The following ADGRL3 variants were observed in gnomAD, a reference collection of about 807,000 sequenced individuals.
The protein encoded by ADGRL3 is adhesion G protein-coupled receptor L3.
ADGRL3 carries 62 observed loss-of-function variants against 153.5 expected under a neutral mutation model. That is an observed-to-expected ratio of 0.40 (90% confidence interval 0.33 to 0.50). ADGRL3 has a LOEUF of 0.50. Among genes scored for constraint, ADGRL3 ranks in the 20% least tolerant of loss-of-function variants. ADGRL3 has a pLI of 0.47. For synonymous variants in ADGRL3, 710 were observed against 672.5 expected (o/e 1.06, Z -0.86); for missense variants, 1,641 against 1,859.4 (o/e 0.88, Z 2.16).
chr4:61,377,902 A>G (rs1416102246), intron 1 of ADGRL3, among the ~76,000 whole-genome samples: 1 of 152,000 alleles, frequency 6.6e-6, no homozygotes, highest in Non-Finnish European at 1.5e-5. Flanking sequence ...TTTTGCTTCC[A>G]TTTAATTAAA....
At chr4:61,297,768 G>A (rs1411814350) in intron 1 of ADGRL3, among the ~76,000 whole-genome samples, 1 of 151,170 alleles carries the variant, frequency 6.6e-6, no homozygotes, top group Non-Finnish European at 1.5e-5. Context: ...ATACCCTCTG[G>A]AATGTTACTT....
chr4:61,530,921 C>T (rs577219356), intron 4 of ADGRL3, among the ~76,000 whole-genome samples: 4 of 152,144 alleles, frequency 2.6e-5, no homozygotes, highest in African/African-American at 7.2e-5. Context: ...ATGTTTCTTC[C>T]TTATTTGGTT....
chr4:61,611,746 C>A (rs990164541), intron 5 of ADGRL3, among the ~76,000 whole-genome samples: 11 of 151,890 alleles, frequency 7.2e-5, no homozygotes, highest in Admixed American at 5.9e-4. Context: ...TATAGTGAGA[C>A]CTCATCTCTG....
intron 5 of ADGRL3, among the ~76,000 whole-genome samples, chr4:61,675,775 T>A (rs1051658126): frequency 3.0e-4 from 46 of 151,994 alleles, no homozygotes; most frequent in African/African-American, 1.1e-3. Context: ...GGGATATTCA[T>A]CACCTCAAGC....
At chr4:61,836,316 T>C (rs2097934299) in intron 9 of ADGRL3, among the ~76,000 whole-genome samples, 1 of 152,168 alleles carries the variant, frequency 6.6e-6, no homozygotes, top group African/African-American at 2.4e-5. Context: ...AAATCTGTTA[T>C]TGTCTGTACT....
chr4:61,716,905 C>G (rs2096127289), intron 6 of ADGRL3, among the ~76,000 whole-genome samples: 2 of 152,064 alleles, frequency 1.3e-5, no homozygotes, highest in South Asian at 4.1e-4. Context: ...ATGTTAACTT[C>G]CATCACTAAG....
At chr4:61,828,584 A>G (rs1351689933) in intron 9 of ADGRL3, among the ~76,000 whole-genome samples, 2 of 152,156 alleles carry the variant, frequency 1.3e-5, no homozygotes, top group East Asian at 1.9e-4. Flanking sequence ...AAAATCTGCA[A>G]TATTATTTTT....
At chr4:61,225,767 T>C (rs1227629064) in intron 1 of ADGRL3, among the ~76,000 whole-genome samples, 3 of 152,188 alleles carry the variant, frequency 2.0e-5, no homozygotes, top group Non-Finnish European at 4.4e-5. Context: ...GGAGCCCAAG[T>C]CCTTTCTCTG....
chr4:62,006,003 CATATATAT>C (rs1217370949), intron 21 of ADGRL3, among the ~76,000 whole-genome samples: 7 of 48,990 alleles, frequency 1.4e-4, no homozygotes, highest in East Asian at 9.0e-4. Flanking sequence ...CACACACACA[CATATATAT>C]ATATATATAT....
rs1458573076 is a variant in ADGRL3 at position 62,071,760 on chromosome 4, T to G, written c.*852T>G. 1 of 417,450 alleles carries G rather than the reference T, an allele frequency of 2.4e-6. No individual in the cohort carries two copies. Among genetic ancestry groups the G allele is most frequent in the African/African-American group, 2.1e-5 (1 of 47,554 alleles). The allele number at this position is 417,450 out of a possible 1,614,324, so 25.9% of individuals were successfully genotyped here. A position where few individuals can be genotyped will look rare whatever the true frequency, so the allele number is the denominator to read the frequency against. On this transcript the variant is annotated 3_prime_UTR_variant, in exon 27 of 27. Coordinates refer to ENST00000683033, the MANE Select transcript of ADGRL3 (RefSeq NM_001387552.1). ...ATTTTCTTTTTTTCTTTTTTGCCTT[T>G]TATTCCTTTAAAATTTCGCCTGGCA...
intron 11 of ADGRL3, among the ~76,000 whole-genome samples, chr4:61,899,876 C>T (rs2098654501): frequency 6.6e-6 from 1 of 152,134 alleles, no homozygotes; most frequent in Non-Finnish European, 1.5e-5. Context: ...GGGTACTAAT[C>T]CCAGTCATTA....
intron 21 of ADGRL3, among the ~76,000 whole-genome samples, chr4:62,005,771 A>C (rs758321986): frequency 1.3e-5 from 2 of 151,598 alleles, no homozygotes; most frequent in Non-Finnish European, 2.9e-5. Context: ...GAATAGTTAC[A>C]ATAATTAACT....
chr4:61,574,211 T>C (rs1460180525), intron 4 of ADGRL3, among the ~76,000 whole-genome samples: 2 of 151,920 alleles, frequency 1.3e-5, no homozygotes, highest in African/African-American at 4.8e-5. Flanking sequence ...TAATTAAAAA[T>C]GCACATTTTT....
In ADGRL3 at chr4:61,641,436, C is replaced by A. The variant is rs547940095; in HGVS notation, c.474-35390C>A. ...TATCTCCCAATGCTATCCCTCCCCC[C>A]TCCCCCCACCCCACAACAGTCCTCA... On this transcript the variant is annotated intron_variant, in intron 5 of 26. Transcript: ENST00000683033. Among the ~76,000 whole-genome samples, 766 of 111,944 alleles carry A rather than the reference C, an allele frequency of 6.8e-3. 9 individuals carry two copies. Among genetic ancestry groups the A allele is most frequent in the South Asian group, 0.041 (112 of 2,740 alleles). The allele number at this position is 111,944 out of a possible 152,430, so 73.4% of individuals were successfully genotyped here.
rs201360970 is a variant in ADGRL3, at chr4:62,039,315, T to C, written c.3717+1459T>C. Among the ~76,000 whole-genome samples, 3 of 152,308 alleles carry C rather than the reference T, an allele frequency of 2.0e-5. No homozygotes were observed. The East Asian group carries it at 5.8e-4, about 29-fold the overall frequency. On this transcript the variant is annotated intron_variant, in intron 24 of 26. Transcript: ENST00000683033. Reference sequence around the variant, plus strand: ...CCTAGCTAGCACTTGAACACAGTTATAAATTAATGGATGACCAGTGTTTTC... The same window carrying C: ...CCTAGCTAGCACTTGAACACAGTTACAAATTAATGGATGACCAGTGTTTTC...
At chr4:61,762,672 C>G (rs1459275351) in intron 8 of ADGRL3, among the ~76,000 whole-genome samples, 1 of 151,984 alleles carries the variant, frequency 6.6e-6, no homozygotes, top group Non-Finnish European at 1.5e-5. Context: ...TTTTCCTAAG[C>G]AAAGATCTGA....
At chr4:61,555,234 G>A (rs990858503) in intron 4 of ADGRL3, among the ~76,000 whole-genome samples, 11 of 152,074 alleles carry the variant, frequency 7.2e-5, no homozygotes, top group African/African-American at 2.7e-4. Flanking sequence ...TGGAATATTT[G>A]GGGATGGCAT....
At chr4:62,032,292 A>C (rs1171247092) in intron 23 of ADGRL3, among the ~76,000 whole-genome samples, 2 of 151,334 alleles carry the variant, frequency 1.3e-5, no homozygotes, top group African/African-American at 4.8e-5. Context: ...ATAAATTTTC[A>C]AAGTTAATTT....
At chr4:61,968,769 G>A (rs1247218925) in intron 17 of ADGRL3, among the ~76,000 whole-genome samples, 1 of 152,136 alleles carries the variant, frequency 6.6e-6, no homozygotes, top group Non-Finnish European at 1.5e-5. Flanking sequence ...TAATAGGTAA[G>A]AACTGTTCAT....
Sources: allele counts gnomAD v4.1 joint callset (sites outside exome capture counted in the v4.1 genomes callset), GRCh38; gene constraint gnomAD v4.1.1; transcripts MANE v1.5; gene names NCBI Gene and HGNC (gene_info 2026-07-23, HGNC 2026-07-21).